Variants in CACNA2D2 observed in about 807,000 individuals in gnomAD.
CACNA2D2 encodes calcium voltage-gated channel auxiliary subunit alpha2delta 2.
In CACNA2D2, 48 loss-of-function variants were observed where a neutral mutation model predicts 166.4. That is an observed-to-expected ratio of 0.29 (90% CI 0.23 to 0.37). CACNA2D2 has a LOEUF of 0.37. Ranked by LOEUF, CACNA2D2 falls within the 10% of genes least tolerant of loss-of-function variation. The pLI is 1.00. For synonymous variants in CACNA2D2, 561 were observed against 573.7 expected (o/e 0.98, Z 0.32); for missense variants, 1,122 against 1,433.0 (o/e 0.78, Z 3.50).
chr3:50,484,017 C>A (rs762149671), intron 1 of CACNA2D2, among the ~76,000 whole-genome samples: 1 of 152,134 alleles, frequency 6.6e-6, no homozygotes, highest in East Asian at 1.9e-4. Flanking sequence ...TGCCCAGCTG[C>A]GGGTGTGGCT....
At chr3:50,370,546 G>C (rs1356604778) in intron 22 of CACNA2D2, among the ~76,000 whole-genome samples, 166 bp from the exon 23 acceptor site, 1 of 152,034 alleles carries the variant, frequency 6.6e-6, no homozygotes, top group East Asian at 1.9e-4. Context: ...CAGAGAGAAG[G>C]GACGGGCAGG....
Position 50,370,302 on chromosome 3 carries a change from A to G in CACNA2D2, c.2045+18T>C. 2 of 1,569,398 alleles carry G rather than the reference A, an allele frequency of 1.3e-6. No individual in the cohort carries two copies. The highest frequency in any genetic ancestry group is 1.7e-6 in the Non-Finnish European group (2 of 1,157,104). The stretch of plus-strand genomic sequence containing the variant: ...CAGGGTAGGGGAGGACACCTCAGCA[A>G]GGCCACACGCAAGCTACCTGGGAGC... On this transcript the variant is annotated intron_variant, in intron 23 of 37. Coordinates refer to ENST00000424201, the MANE Select transcript of CACNA2D2 (RefSeq NM_006030.4).
intron 3 of CACNA2D2, among the ~76,000 whole-genome samples, chr3:50,398,161 G>T (rs1706255674): frequency 6.6e-6 from 1 of 152,180 alleles, no homozygotes. Context: ...GCCTGTCTCT[G>T]GAGTGCCTGC....
chr3:50,445,777 T>A (rs1157923611), intron 2 of CACNA2D2, among the ~76,000 whole-genome samples: 1 of 152,172 alleles, frequency 6.6e-6, no homozygotes, highest in Admixed American at 6.5e-5. Flanking sequence ...AGCTCCCATT[T>A]TGGACCTGAA....
chr3:50,384,273 A>G lies in CACNA2D2; in HGVS notation c.575T>C (p.Ile192Thr). The G allele has an allele frequency of 6.2e-7, 1 of 1,614,188 alleles. No homozygotes were observed. Among genetic ancestry groups the G allele is most frequent in the Non-Finnish European group, 8.5e-7 (1 of 1,180,022 alleles). ...SKASTLRLDF[I>T]EDPNFKNKVN... The stretch of plus-strand genomic sequence containing the variant: ...CTTGTTCTTGAAGTTTGGGTCCTCG[A>G]TGAAGTCCAGCCTTAGGGTGCTGGC... The change falls in exon 6 of 38, where the codon ATC becomes ACC. Residue 192 changes from isoleucine to threonine, a missense_variant. Coordinates refer to ENST00000424201, the MANE Select transcript of CACNA2D2 (RefSeq NM_006030.4).
At chr3:50,494,626 A>G (rs1021589246) in intron 1 of CACNA2D2, among the ~76,000 whole-genome samples, 1 of 152,142 alleles carries the variant, frequency 6.6e-6, no homozygotes, top group Non-Finnish European at 1.5e-5. Flanking sequence ...AGTTTGCCAA[A>G]GCAGACCTCA....
At chr3:50,409,470 C>A (rs538722260) in intron 3 of CACNA2D2, among the ~76,000 whole-genome samples, 1 of 152,366 alleles carries the variant, frequency 6.6e-6, no homozygotes, top group African/African-American at 2.4e-5. Context: ...ATTCCTGCAC[C>A]TGCAGAGCCC....
chr3:50,385,913 T>C (rs1225756064), intron 5 of CACNA2D2, among the ~76,000 whole-genome samples: 2 of 152,234 alleles, frequency 1.3e-5, no homozygotes, highest in African/African-American at 4.8e-5. Flanking sequence ...AATGTGACAT[T>C]TGGATTCTGT....
At chr3:50,490,040 G>A (rs1360461803) in intron 1 of CACNA2D2, among the ~76,000 whole-genome samples, 2 of 152,212 alleles carry the variant, frequency 1.3e-5, no homozygotes, top group African/African-American at 2.4e-5. Context: ...AGGTGGGGAA[G>A]GGATGGTCAG....
intron 1 of CACNA2D2, among the ~76,000 whole-genome samples, chr3:50,502,815 CG>C (rs1699036197): frequency 6.6e-6 from 1 of 152,218 alleles, no homozygotes; most frequent in South Asian, 2.1e-4. Context: ...AGGGAGGGAA[CG>C]TGGGGCAGAT....
rs142546693 is a variant in CACNA2D2, at chr3:50,426,252, T to G, written c.405+8061A>C. On this transcript the variant is annotated intron_variant, in intron 3 of 37. Coordinates refer to ENST00000424201, the MANE Select transcript of CACNA2D2 (RefSeq NM_006030.4). ...AACGGGCATTCTGCCCCACAGCAAG[T>G]AGAGACTGGAATCACACAAGGCCTA... 1.4e-3 allele frequency among the ~76,000 whole-genome samples: 211 copies of G among 152,322 alleles called. 1 individual carries two copies. Among genetic ancestry groups the G allele is most frequent in the African/African-American group, 4.8e-3 (200 of 41,566 alleles).
At chr3:50,430,139 G>A (rs1057174047) in intron 3 of CACNA2D2, among the ~76,000 whole-genome samples, 4 of 152,162 alleles carry the variant, frequency 2.6e-5, no homozygotes, top group Non-Finnish European at 5.9e-5. Flanking sequence ...AGGGCCTCCC[G>A]GAAAGCAGGT....
At chr3:50,477,344 C>T (rs1211796081) in intron 1 of CACNA2D2, among the ~76,000 whole-genome samples, 3 of 152,184 alleles carry the variant, frequency 2.0e-5, no homozygotes, top group Non-Finnish European at 4.4e-5. Flanking sequence ...GTAAGTCAAG[C>T]GTGTTCGCTG....
Position 50,365,944 on chromosome 3 carries a change from G to A in CACNA2D2, c.2862+67C>T. The A allele has an allele frequency of 6.2e-7, 1 of 1,611,604 alleles. No homozygotes were observed. Among genetic ancestry groups the A allele is most frequent in the Non-Finnish European group, 8.5e-7 (1 of 1,178,990 alleles). Reference sequence around the variant, plus strand: ...CCAGCTTTATCAAATGTCAGAGGTAGGGGGTCATCTGTGGGCAGGTCTCCC... The same window carrying A: ...CCAGCTTTATCAAATGTCAGAGGTAAGGGGTCATCTGTGGGCAGGTCTCCC... On this transcript the variant is annotated intron_variant, in intron 32 of 37. Coordinates refer to ENST00000424201, the MANE Select transcript of CACNA2D2 (RefSeq NM_006030.4). This position sits in a 1 kb window ranked among gnomAD's most constrained non-coding sequence, Gnocchi z 4.5.
chr3:50,454,158 C>T (rs1282875541), intron 2 of CACNA2D2, among the ~76,000 whole-genome samples: 1 of 152,252 alleles, frequency 6.6e-6, no homozygotes, highest in Non-Finnish European at 1.5e-5. Flanking sequence ...CCACAGGCAC[C>T]AGAGCTGCCC....
At chr3:50,435,803 T>C (rs984529551) in intron 2 of CACNA2D2, among the ~76,000 whole-genome samples, 1 of 152,074 alleles carries the variant, frequency 6.6e-6, no homozygotes, top group Non-Finnish European at 1.5e-5. Context: ...TTGTCCTTCT[T>C]TTAGAACAAA....
chr3:50,368,311 C>T, intron 23 of CACNA2D2, 76 bp from the exon 24 acceptor site: 1 of 889,424 alleles, frequency 1.1e-6, no homozygotes, highest in East Asian at 2.4e-5. Context: ...TCCCAACAGG[C>T]CCACTTGGCC....
chr3:50,391,894 T>G lies in CACNA2D2; in HGVS notation c.465+2215A>C, dbSNP rs150138836. 5.9e-4 allele frequency among the ~76,000 whole-genome samples: 90 copies of G among 152,338 alleles called. 1 individual carries two copies. Among genetic ancestry groups the G allele is most frequent in the Middle Eastern group, 6.8e-3 (2 of 294 alleles). On this transcript the variant is annotated intron_variant, in intron 4 of 37. Coordinates refer to ENST00000424201, the MANE Select transcript of CACNA2D2 (RefSeq NM_006030.4). ...CCCATCTCAGAGGTAAGAAGACTGC[T>G]GCTGGTCACGCTGTCACTGCTGTGG...
intron 2 of CACNA2D2, among the ~76,000 whole-genome samples, chr3:50,473,105 A>G (rs1710167516): frequency 6.6e-6 from 1 of 152,204 alleles, no homozygotes; most frequent in South Asian, 2.1e-4. Flanking sequence ...GCACCAGGCC[A>G]CAAGGAGAGC....
Sources: gnomAD v4.1 joint callset for allele counts (sites outside exome capture counted in the v4.1 genomes callset) on GRCh38, gnomAD v4.1.1 for gene constraint, Gnocchi (gnomAD v3.1) non-coding constraint, MANE v1.5 for transcripts, NCBI Gene and HGNC (gene_info 2026-07-23, HGNC 2026-07-21) for gene names.